TMEM117: variants seen among roughly 807,000 people sequenced by gnomAD.
TMEM117 encodes transmembrane protein 117.
Under a neutral mutation model 52.4 loss-of-function variants are expected in TMEM117, and 27 were observed. The observed-to-expected ratio is 0.51, with a 90% CI of 0.38 to 0.71. The LOEUF is 0.71. TMEM117 is among the 30% of genes least tolerant of loss of function. The pLI is 0.00. For synonymous variants in TMEM117, 215 were observed against 206.3 expected (o/e 1.04, Z -0.36); for missense variants, 556 against 630.5 (o/e 0.88, Z 1.26).
chr12:44,147,423 G>A (rs1167400147), intron 4 of TMEM117, among the ~76,000 whole-genome samples: 1 of 152,134 alleles, frequency 6.6e-6, no homozygotes, highest in Non-Finnish European at 1.5e-5. Flanking sequence ...GATGGCACTT[G>A]CTTCTGCCCT....
At chr12:44,315,270 A>G (rs1470112612) in intron 6 of TMEM117, among the ~76,000 whole-genome samples, 1 of 152,038 alleles carries the variant, frequency 6.6e-6, no homozygotes, top group African/African-American at 2.4e-5. Flanking sequence ...TCTTATTTTA[A>G]TAATTTCTTT....
intron 3 of TMEM117, among the ~76,000 whole-genome samples, chr12:44,130,208 C>T (rs1011632520): frequency 1.4e-4 from 21 of 151,986 alleles, no homozygotes; most frequent in African/African-American, 3.4e-4. Flanking sequence ...ATGTGAAGGC[C>T]GATTGCACAC....
At chr12:44,327,550 C>T (rs1393962525) in intron 6 of TMEM117, among the ~76,000 whole-genome samples, 1 of 152,048 alleles carries the variant, frequency 6.6e-6, no homozygotes, top group Admixed American at 6.6e-5. Context: ...CATGTTTTTG[C>T]ATAACAAAAG....
rs544528891 is a variant in TMEM117, at chr12:44,021,681, G to A, written c.410+77339G>A. On this transcript the variant is annotated intron_variant, in intron 3 of 7. Coordinates refer to ENST00000266534, the MANE Select transcript of TMEM117 (RefSeq NM_032256.3). ...AGATAAGACAAACTCCAGCAATAAA[G>A]ACATGAAACCCTGCTGCCCTTTGAT... 2.2e-4 allele frequency among the ~76,000 whole-genome samples: 33 copies of A among 152,312 alleles called. 2 individuals are homozygous for A. The highest frequency in any genetic ancestry group is 7.9e-4 in the African/African-American group (33 of 41,576).
At chr12:44,342,060 C>CA (rs137887057) in intron 6 of TMEM117, among the ~76,000 whole-genome samples, 12,468 of 150,532 alleles carry the variant, frequency 0.083, 943 homozygotes, top group East Asian at 0.38. Flanking sequence ...TTTTAAAAGA[C>CA]AAAAAAAAAG....
chr12:44,091,404 A>T (rs1302309115), intron 3 of TMEM117, among the ~76,000 whole-genome samples: 1 of 152,238 alleles, frequency 6.6e-6, no homozygotes, highest in Non-Finnish European at 1.5e-5. Flanking sequence ...GCCTGCCAAC[A>T]TAGCACTCAT....
chr12:44,073,180 A>G (rs1199351699), intron 3 of TMEM117, among the ~76,000 whole-genome samples: 2 of 152,098 alleles, frequency 1.3e-5, no homozygotes, highest in African/African-American at 2.4e-5. Context: ...TCTATATTAC[A>G]AGCTTTTAAA....
rs146177145 is a variant in TMEM117, at chr12:44,032,982, G to A, written c.410+88640G>A. ...GGTTAAAATGAGGCTGGGACCTACC[G>A]GGCTGCATTCTCAAATGGTTATGGC... On this transcript the variant is annotated intron_variant, in intron 3 of 7. Transcript: ENST00000266534. Among the ~76,000 whole-genome samples the A allele has an allele frequency of 4.1e-4, 62 of 152,262 alleles. 2 individuals are homozygous for A. Among genetic ancestry groups the A allele is most frequent in the Middle Eastern group, 3.4e-3 (1 of 294 alleles).
At chr12:44,023,608 C>T (rs1946487086) in intron 3 of TMEM117, among the ~76,000 whole-genome samples, 1 of 151,982 alleles carries the variant, frequency 6.6e-6, no homozygotes, top group Admixed American at 6.6e-5. Context: ...TGTCTGTTGG[C>T]TGCATAAATG....
intron 6 of TMEM117, among the ~76,000 whole-genome samples, chr12:44,332,596 A>G (rs1485352701): frequency 6.6e-6 from 1 of 152,026 alleles, no homozygotes. Flanking sequence ...AGAATTTCAT[A>G]GAATTAGGAG....
intron 5 of TMEM117, among the ~76,000 whole-genome samples, chr12:44,251,080 A>C (rs1950192264): frequency 6.6e-6 from 1 of 152,172 alleles, no homozygotes; most frequent in Non-Finnish European, 1.5e-5. Flanking sequence ...TTGACTCAGC[A>C]TTACATATTG....
upstream of TMEM117, among the ~76,000 whole-genome samples, chr12:43,835,432 G>C (rs1339898899): frequency 6.6e-6 from 1 of 152,108 alleles, no homozygotes; most frequent in Non-Finnish European, 1.5e-5. Context: ...GTATGCATGA[G>C]TGTATTTGTG....
At chr12:44,204,545 C>T (rs938305400) in intron 4 of TMEM117, among the ~76,000 whole-genome samples, 1 of 151,922 alleles carries the variant, frequency 6.6e-6, no homozygotes, top group Non-Finnish European at 1.5e-5. Context: ...ACAGAATTAC[C>T]CATAGTCTAT....
At chr12:43,997,533 C>T (rs1565785910) in intron 3 of TMEM117, among the ~76,000 whole-genome samples, 1 of 152,140 alleles carries the variant, frequency 6.6e-6, no homozygotes, top group Non-Finnish European at 1.5e-5. Context: ...TTTCTTTCTG[C>T]TTCTTCCTTT....
Position 43,905,909 on chromosome 12 carries a change from T to C in TMEM117, c.278-38301T>C, listed in dbSNP as rs538988255. ...TATAGTTTAAAAGTGTACTGTATAT[T>C]CTCTAAGAATTGTCAAGCACTTAGT... On this transcript the variant is annotated intron_variant, in intron 2 of 7. Transcript: ENST00000266534. Among the ~76,000 whole-genome samples the C allele has an allele frequency of 1.7e-3, 260 of 152,332 alleles. 1 individual carries two copies. Among genetic ancestry groups the C allele is most frequent in the Non-Finnish European group, 3.2e-3 (215 of 68,032 alleles).
chr12:44,225,893 G>T (rs966776529), intron 5 of TMEM117, among the ~76,000 whole-genome samples: 1 of 152,092 alleles, frequency 6.6e-6, no homozygotes, highest in Non-Finnish European at 1.5e-5. Flanking sequence ...TACTAAGACT[G>T]GTGCCTTAAA....
chr12:44,341,355 G>A (rs1951414410), intron 6 of TMEM117, among the ~76,000 whole-genome samples: 1 of 151,994 alleles, frequency 6.6e-6, no homozygotes, highest in Non-Finnish European at 1.5e-5. Flanking sequence ...CCTCTTATGG[G>A]TAAGGATCTG....
At chr12:44,099,335 T>C (rs533739677) in intron 3 of TMEM117, among the ~76,000 whole-genome samples, 28 of 152,102 alleles carry the variant, frequency 1.8e-4, no homozygotes, top group Non-Finnish European at 3.7e-4. Flanking sequence ...CCTTTGCAGA[T>C]CTCTGTGATG....
intron 3 of TMEM117, among the ~76,000 whole-genome samples, chr12:44,067,950 A>G (rs1369465069): frequency 6.6e-6 from 1 of 152,236 alleles, no homozygotes; most frequent in African/African-American, 2.4e-5. Flanking sequence ...CATTTTCATC[A>G]GTGATCTGAG....
Sources: gnomAD v4.1 joint callset for allele counts (sites outside exome capture counted in the v4.1 genomes callset) on GRCh38, gnomAD v4.1.1 for gene constraint, MANE v1.5 for transcripts, NCBI Gene and HGNC (gene_info 2026-07-23, HGNC 2026-07-21) for gene names.